The following DNAH8 variants were observed in gnomAD, a reference collection of about 807,000 sequenced individuals.
DNAH8 encodes the protein axonemal beta dynein heavy chain 8.
DNAH8 carries 382 observed loss-of-function variants against 562.1 expected under a neutral mutation model. The ratio of observed to expected loss-of-function variants is 0.68; its 90% CI spans 0.63 to 0.74. The LOEUF (loss-of-function observed/expected upper bound fraction) is 0.74, where lower values mean the gene tolerates loss of function less well. Among genes scored for constraint, DNAH8 ranks in the 30% least tolerant of loss-of-function variants. DNAH8 has a pLI of 0.00. For missense variants in DNAH8, 5,203 were observed against 5,620.4 expected (o/e 0.93, Z 2.37); for synonymous variants, 1,881 against 1,919.4 (o/e 0.98, Z 0.52).
chr6:38,926,286 T>A (rs752420146), intron 74 of DNAH8, 76 bp downstream of exon 74: 106 of 1,501,812 alleles, frequency 7.1e-5, no homozygotes, highest in Non-Finnish European at 9.3e-5. Flanking sequence ...GAATCTGCAG[T>A]CATAAAGTTG....
chr6:38,873,143 T>TA lies in DNAH8; in HGVS notation c.7476dup (p.Gln2493ThrfsTer20). ...TCTGCTCTCAGCTGGAGGCCAATCT[T>TA]ACAGGTGGGGCAGAGAGATGGGAAG... On this transcript the variant is annotated frameshift_variant, in exon 51 of 93. Coordinates refer to ENST00000327475, the MANE Select transcript of DNAH8 (RefSeq NM_001206927.2). LOFTEE classifies it high-confidence loss of function. The TA allele has an allele frequency of 1.2e-6, 2 of 1,613,502 alleles. No individual in the cohort carries two copies. Among genetic ancestry groups the TA allele is most frequent in the South Asian group, 1.1e-5 (1 of 91,072 alleles).
At chr6:38,804,919 CGG>C (rs70981589) in intron 22 of DNAH8, among the ~76,000 whole-genome samples, 2 of 89,044 alleles carry the variant, frequency 2.2e-5, no homozygotes, top group South Asian at 3.4e-4. Flanking sequence ...TGGGGGTGGC[CGG>C]GGGGGAGGGG....
chr6:38,970,967 A>G (rs1174670794), intron 82 of DNAH8, among the ~76,000 whole-genome samples: 4 of 152,154 alleles, frequency 2.6e-5, no homozygotes, highest in Non-Finnish European at 5.9e-5. Context: ...GAGTGTTTTC[A>G]TGTTTAGTTC....
At chr6:38,780,341 A>T (rs1768460616) in intron 15 of DNAH8, among the ~76,000 whole-genome samples, 1 of 152,202 alleles carries the variant, frequency 6.6e-6, no homozygotes, top group South Asian at 2.1e-4. Flanking sequence ...ATTGCTGAGT[A>T]TGTACCCAAA....
At chr6:38,863,747 C>A in intron 44 of DNAH8, 126 bp from the exon 45 acceptor site, 1 of 674,754 alleles carries the variant, frequency 1.5e-6, no homozygotes, top group Non-Finnish European at 2.4e-6. Context: ...TTATCAACAG[C>A]CAGATATGAA....
At position 38,722,877 on chromosome 6, in the gene DNAH8, C is replaced by G. The variant is rs1471622411; in HGVS notation, c.68C>G (p.Ala23Gly). 7 of 1,611,668 alleles carry G rather than the reference C, an allele frequency of 4.3e-6. No individual in the cohort carries two copies. The highest frequency in any genetic ancestry group is 5.9e-6 in the Non-Finnish European group (7 of 1,179,416). ...GAEAPPSTEE[A>G]APPRSEEEEA... ...GAGGCTCCTCCCTCTACGGAAGAGG[C>G]TGCCCCTCCCCGTTCAGAAGAGGAA... Residue 23 changes from alanine to glycine, a missense_variant, in exon 2 of 93, where the codon GCT becomes GGT. By Grantham distance (60) the Ala-to-Gly change is moderately conservative (BLOSUM62 0). This residue lies in a region of DNAH8 where 556 missense variants were observed against 496.9 expected (regional missense o/e 1.12). Coordinates refer to ENST00000327475, the MANE Select transcript of DNAH8 (RefSeq NM_001206927.2).
At chr6:38,855,765 C>T (rs1454488511) in intron 41 of DNAH8, among the ~76,000 whole-genome samples, 1 of 152,108 alleles carries the variant, frequency 6.6e-6, no homozygotes, top group Admixed American at 6.5e-5. Flanking sequence ...CAAACCGGTA[C>T]CGGTTCATGG....
intron 63 of DNAH8, among the ~76,000 whole-genome samples, chr6:38,906,773 G>A (rs1466054020): frequency 2.0e-5 from 3 of 152,048 alleles, no homozygotes; most frequent in Admixed American, 6.5e-5. Flanking sequence ...TTCTGAAACC[G>A]CTTGTATCAG....
At chr6:38,999,339 C>T (rs1765331936) in intron 88 of DNAH8, among the ~76,000 whole-genome samples, 1 of 151,678 alleles carries the variant, frequency 6.6e-6, no homozygotes, top group African/African-American at 2.4e-5. Flanking sequence ...GAGCACACTT[C>T]CACGGAGGGC....
chr6:38,874,335 T>C (rs1396381374), intron 52 of DNAH8, among the ~76,000 whole-genome samples: 8 of 120,966 alleles, frequency 6.6e-5, no homozygotes, highest in African/African-American at 9.2e-5. Flanking sequence ...CCTCCCTCTC[T>C]CTCTCTTCTT....
At position 38,807,605 on chromosome 6, in the gene DNAH8, T is replaced by C; in HGVS notation, c.3151-5T>C. 6.9e-7 allele frequency: 1 copy of C among 1,458,974 alleles called. No individual in the cohort carries two copies. Among genetic ancestry groups the C allele is most frequent in the Non-Finnish European group, 9.1e-7 (1 of 1,096,790 alleles). The allele number at this position is 1,458,974 out of a possible 1,614,324, so 90.4% of individuals were successfully genotyped here. ...TACCAAATTTAATCTGATTTCTTATTACAGGAGTGTAAAGAGGTCTTTGCT... is the reference window on the plus strand; with the variant it reads ...TACCAAATTTAATCTGATTTCTTATCACAGGAGTGTAAAGAGGTCTTTGCT... On this transcript the variant is annotated splice_region_variant and splice_polypyrimidine_tract_variant and intron_variant, in intron 23 of 92. Coordinates refer to ENST00000327475, the MANE Select transcript of DNAH8 (RefSeq NM_001206927.2).
intron 13 of DNAH8, 119 bp from the exon 14 acceptor site, chr6:38,778,269 G>T: frequency 1.8e-6 from 1 of 568,380 alleles, no homozygotes. Flanking sequence ...ATGCTTAGAT[G>T]GTAGATGTGT....
In DNAH8 at chr6:38,872,612, C is replaced by T. The variant is rs773388584; in HGVS notation, c.7067C>T (p.Thr2356Met). 5 of 1,614,060 alleles carry T rather than the reference C, an allele frequency of 3.1e-6. No homozygotes were observed. In the South Asian group the frequency reaches 3.3e-5, roughly 11 times the overall value. ...GGTTCTGGAAAGACAACCGTTATCA[C>T]GATTCTAATGAAGGCGCAAACAGAA... is the stretch of plus-strand genomic sequence containing the variant. ...PSGSGKTTVI[T>M]ILMKAQTECG... is the part of the protein sequence containing the mutation. Residue 2356 changes from threonine to methionine, a missense_variant, in exon 50 of 93, where the codon ACG (threonine) becomes ATG (methionine). Coordinates refer to ENST00000327475, the MANE Select transcript of DNAH8 (RefSeq NM_001206927.2).
At position 38,737,213 on chromosome 6, in the gene DNAH8, T is replaced by C. The variant is rs1229220941; in HGVS notation, c.909T>C (p.His303=). The C allele has an allele frequency of 6.6e-7, 1 of 1,521,564 alleles. No individual in the cohort carries two copies. The highest frequency in any genetic ancestry group is 2.2e-5 in the Admixed American group (1 of 45,772). 94.3% of individuals were successfully genotyped at this position (1,521,564 alleles called of 1,614,324 possible). The change falls in exon 6 of 93, where the codon CAT becomes CAC. Residue 303 remains histidine, a synonymous_variant. Coordinates refer to ENST00000327475, the MANE Select transcript of DNAH8 (RefSeq NM_001206927.2). The stretch of plus-strand genomic sequence containing the variant: ...CCAAGCAGGGAGAATCTGAAAAACA[T>C]ATTTTCACTGAAACCATCAACAGAT... ...NQSKQGESEK[H]IFTETINRYL... is the part of the protein sequence containing the mutation.
chr6:38,782,651 CT>C (rs2127641939), intron 16 of DNAH8, among the ~76,000 whole-genome samples: 1 of 152,286 alleles, frequency 6.6e-6, no homozygotes, highest in Non-Finnish European at 1.5e-5. Flanking sequence ...GGAATTTGCC[CT>C]GTTATTCATG....
Position 38,823,055 on chromosome 6 carries a change from A to T in DNAH8, c.3720+21A>T, listed in dbSNP as rs762138445. ...TGAAGGTGTCTTTCTGCTACTTGTG[A>T]TGTTGTTTGGGTTTTGTTTGTCTCT... On this transcript the variant is annotated intron_variant, in intron 27 of 92. Coordinates refer to ENST00000327475, the MANE Select transcript of DNAH8 (RefSeq NM_001206927.2). 2.6e-6 allele frequency: 4 copies of T among 1,549,540 alleles called. No individual in the cohort carries two copies. In the Admixed American group the frequency reaches 8.6e-5, roughly 33 times the overall value.
At chr6:39,017,354 T>G (rs1766634455) in intron 91 of DNAH8, among the ~76,000 whole-genome samples, 1 of 152,226 alleles carries the variant, frequency 6.6e-6, no homozygotes, top group African/African-American at 2.4e-5. Context: ...CTGTGCTGTG[T>G]GTGGGGATGT....
At chr6:38,811,001 G>A (rs1246294108) in intron 24 of DNAH8, among the ~76,000 whole-genome samples, 1 of 152,144 alleles carries the variant, frequency 6.6e-6, no homozygotes, top group Non-Finnish European at 1.5e-5. Context: ...CTGCTGATGA[G>A]AAGTCTGCAA....
At position 38,874,308 on chromosome 6, in the gene DNAH8, C is replaced by T. The variant is rs180911360; in HGVS notation, c.7620+932C>T. 1.6e-3 allele frequency among the ~76,000 whole-genome samples: 105 copies of T among 63,664 alleles called. 2 individuals carry two copies. The East Asian group carries it at 0.071, about 43-fold the overall frequency. The allele number at this position is 63,664 out of a possible 152,430, so 41.8% of individuals were successfully genotyped here. ...CCCCTCCCCTCCCCTCCCCTCCCCTCCCCTTCCCTTCCCTTCCCTCCCTCT... is the reference window on the plus strand; with the variant it reads ...CCCCTCCCCTCCCCTCCCCTCCCCTTCCCTTCCCTTCCCTTCCCTCCCTCT... On this transcript the variant is annotated intron_variant, in intron 52 of 92. Coordinates refer to ENST00000327475, the MANE Select transcript of DNAH8 (RefSeq NM_001206927.2).
Sources: allele counts gnomAD v4.1 joint callset (sites outside exome capture counted in the v4.1 genomes callset), GRCh38; gene constraint gnomAD v4.1.1; regional missense constraint gnomAD v4.1.1; transcripts MANE v1.5; gene names NCBI Gene and HGNC (gene_info 2026-07-23, HGNC 2026-07-21).